The following SPATA13 variants were observed in gnomAD, a reference collection of about 807,000 sequenced individuals.
SPATA13 encodes spermatogenesis-associated protein 13.
Under a neutral mutation model 104.0 loss-of-function variants are expected in SPATA13, and 50 were observed. The ratio of observed to expected loss-of-function variants is 0.48; its 90% CI spans 0.38 to 0.61. SPATA13 has a LOEUF of 0.61. SPATA13 is among the 20% of genes least tolerant of loss of function. SPATA13 has a pLI of 0.00. For synonymous variants in SPATA13, 606 were observed against 667.5 expected (o/e 0.91, Z 1.42); for missense variants, 1,524 against 1,690.6 (o/e 0.90, Z 1.73).
chr13:24,137,244 G>A (rs916401469), intron 3 of SPATA13, among the ~76,000 whole-genome samples: 10 of 152,172 alleles, frequency 6.6e-5, no homozygotes, highest in Non-Finnish European at 1.0e-4. Context: ...TTCAGTTGGG[G>A]TGAAAGGCCA....
intron 3 of SPATA13, among the ~76,000 whole-genome samples, chr13:24,046,273 T>C (rs2137735459): frequency 6.8e-6 from 1 of 147,562 alleles, no homozygotes; most frequent in Non-Finnish European, 1.5e-5. Flanking sequence ...CTATCCTGAC[T>C]TCTAACACCA....
At chr13:24,037,943 GCT>G (rs1566081379) in intron 3 of SPATA13, among the ~76,000 whole-genome samples, 1 of 151,112 alleles carries the variant, frequency 6.6e-6, no homozygotes, top group African/African-American at 2.4e-5. Flanking sequence ...ATGGAGTCTC[GCT>G]CTGTCACCCA....
intron 2 of SPATA13, among the ~76,000 whole-genome samples, chr13:24,238,950 T>C (rs1872704298): frequency 6.6e-6 from 1 of 152,176 alleles, no homozygotes; most frequent in African/African-American, 2.4e-5. Context: ...TTGTGATGGC[T>C]CCTGTGCGGG....
At chr13:24,213,288 A>G (rs1381556996) in intron 1 of SPATA13, among the ~76,000 whole-genome samples, 1 of 152,136 alleles carries the variant, frequency 6.6e-6, no homozygotes, top group Admixed American at 6.5e-5. Flanking sequence ...TTGTTTTGAG[A>G]TGGAGTCTGG....
upstream of SPATA13, among the ~76,000 whole-genome samples, chr13:24,158,278 G>A (rs896543629): frequency 1.3e-5 from 2 of 152,176 alleles, no homozygotes; most frequent in Admixed American, 6.5e-5. Flanking sequence ...TGCAGATGCC[G>A]GCCTTGTCTG....
At chr13:24,155,298 G>A (rs114937705) in intron 3 of SPATA13, among the ~76,000 whole-genome samples, 3 of 152,150 alleles carry the variant, frequency 2.0e-5, no homozygotes, top group African/African-American at 4.8e-5. Flanking sequence ...GATCTGTCAC[G>A]GAAGAACTTT....
chr13:24,132,026 G>A (rs573955831), intron 3 of SPATA13, among the ~76,000 whole-genome samples: 31 of 152,324 alleles, frequency 2.0e-4, no homozygotes, highest in South Asian at 6.2e-4. Flanking sequence ...AATGAGATGC[G>A]CTTGAGTGAC....
At chr13:24,273,366 C>T (rs1369955239) in intron 4 of SPATA13, among the ~76,000 whole-genome samples, 3 of 152,138 alleles carry the variant, frequency 2.0e-5, no homozygotes, top group Non-Finnish European at 2.9e-5. Flanking sequence ...TTCAAAGCTC[C>T]TTAGACATTA....
chr13:24,285,301 G>T (rs1566192843), intron 5 of SPATA13, among the ~76,000 whole-genome samples: 1 of 152,022 alleles, frequency 6.6e-6, no homozygotes, highest in Non-Finnish European at 1.5e-5. Flanking sequence ...TGTGAATAAA[G>T]TATGAATGAT....
chr13:24,200,548 G>A (rs555623663), intron 1 of SPATA13, among the ~76,000 whole-genome samples: 12 of 152,012 alleles, frequency 7.9e-5, no homozygotes, highest in African/African-American at 2.4e-4. Context: ...TTCTGACTTC[G>A]GGGATTATCA....
chr13:23,980,344 C>A (rs1376281011), intron 1 of SPATA13, among the ~76,000 whole-genome samples: 2 of 152,138 alleles, frequency 1.3e-5, no homozygotes, highest in African/African-American at 4.8e-5. Context: ...TGTTGCCGGG[C>A]GACGGAGGAG....
chr13:24,222,989 A>C lies in SPATA13; in HGVS notation c.60A>C (p.Pro20=). The change falls in exon 2 of 13, where the codon CCA becomes CCC. Residue 20 remains proline, a synonymous_variant. Transcript: ENST00000382108. The part of the protein sequence containing the change: ...APCLENMTTA[P]NGLGPGPAAP... ...GCCTGGAGAACATGACCACTGCCCCAAACGGCCTCGGGCCAGGCCCCGCAG... is the reference window on the plus strand; with the variant it reads ...GCCTGGAGAACATGACCACTGCCCCCAACGGCCTCGGGCCAGGCCCCGCAG... 1 of 1,551,238 alleles carries C rather than the reference A, an allele frequency of 6.4e-7. No homozygotes were observed. The highest frequency in any genetic ancestry group is 1.4e-5 in the African/African-American group (1 of 73,168).
chr13:24,227,229 G>T (rs1025586233), intron 2 of SPATA13, among the ~76,000 whole-genome samples: 4 of 152,060 alleles, frequency 2.6e-5, no homozygotes, highest in Admixed American at 6.5e-5. Context: ...TGTCTGGAGG[G>T]TTTTTTTATG....
chr13:24,021,802 C>T (rs930791167), intron 3 of SPATA13, among the ~76,000 whole-genome samples: 1 of 151,882 alleles, frequency 6.6e-6, no homozygotes, highest in Non-Finnish European at 1.5e-5. Flanking sequence ...AGCTCCACCT[C>T]CCGGGTTCAC....
At chr13:24,081,684 T>A (rs2137778511) in intron 3 of SPATA13, among the ~76,000 whole-genome samples, 1 of 150,056 alleles carries the variant, frequency 6.7e-6, no homozygotes, top group African/African-American at 2.4e-5. Flanking sequence ...TCTTAAAAAA[T>A]AAATAAATAA....
chr13:24,165,001 T>A (rs1593372747), intron 1 of SPATA13, among the ~76,000 whole-genome samples: 1 of 152,080 alleles, frequency 6.6e-6, no homozygotes, highest in African/African-American at 2.4e-5. Flanking sequence ...GAGAATGGCG[T>A]CTGTGTTTCC....
At position 24,098,995 on chromosome 13, in the gene SPATA13, A is replaced by C. The variant is rs560584369; in HGVS notation, c.-112+81294A>C. On this transcript the variant is annotated intron_variant, in intron 3 of 14. Transcript: ENST00000424834. ...CATGTGCCTATAATCCCAGCTTCTCAGGAGGGTTGAGCTGAGGAGTTTGAG... is the reference window on the plus strand; with the variant it reads ...CATGTGCCTATAATCCCAGCTTCTCCGGAGGGTTGAGCTGAGGAGTTTGAG... Among the ~76,000 whole-genome samples the C allele has an allele frequency of 5.9e-5, 9 of 152,000 alleles. No homozygotes were observed. In the South Asian group the frequency reaches 1.9e-3, roughly 32 times the overall value.
At chr13:24,075,854 G>A (rs1879307956) in intron 3 of SPATA13, among the ~76,000 whole-genome samples, 1 of 152,176 alleles carries the variant, frequency 6.6e-6, no homozygotes, top group Non-Finnish European at 1.5e-5. Flanking sequence ...CCGCCACGCT[G>A]TCTCCCTTTA....
chr13:24,260,147 G>A lies in SPATA13; in HGVS notation c.2164+8285G>A, dbSNP rs114817639. The stretch of plus-strand genomic sequence containing the variant: ...AACTGCACTCACGCTGAGTAGAAAC[G>A]GGGAGCATGTCAGTCGGATCTGGGC... On this transcript the variant is annotated intron_variant, in intron 4 of 12. Coordinates refer to ENST00000382108, the MANE Select transcript of SPATA13 (RefSeq NM_001166271.3). Among the ~76,000 whole-genome samples, 270 of 152,312 alleles carry A rather than the reference G, an allele frequency of 1.8e-3. 2 individuals carry two copies. The highest frequency in any genetic ancestry group is 5.5e-3 in the African/African-American group (227 of 41,564).
Sources: allele counts gnomAD v4.1 joint callset (sites outside exome capture counted in the v4.1 genomes callset), GRCh38; gene constraint gnomAD v4.1.1; transcripts MANE v1.5; gene names NCBI Gene and HGNC (gene_info 2026-07-23, HGNC 2026-07-21).